The following SCFD2 variants were observed in gnomAD, a reference collection of about 807,000 sequenced individuals.
SCFD2 encodes the protein sec1 family domain-containing protein 2.
In SCFD2, 54 loss-of-function variants were observed where a neutral mutation model predicts 58.9. That is an observed-to-expected ratio of 0.92 (90% confidence interval 0.74 to 1.15). SCFD2 has a LOEUF of 1.15. SCFD2 is among the 50% of genes most tolerant of loss of function. The pLI is 0.00. For synonymous variants in SCFD2, 321 were observed against 335.9 expected (o/e 0.96, Z 0.49); for missense variants, 805 against 836.6 (o/e 0.96, Z 0.47).
chr4:53,098,944 G>T (rs1724746494), intron 5 of SCFD2, among the ~76,000 whole-genome samples: 1 of 151,938 alleles, frequency 6.6e-6, no homozygotes, highest in South Asian at 2.1e-4. Context: ...ATCTAGCTTT[G>T]TATGTACCTA....
intron 3 of SCFD2, among the ~76,000 whole-genome samples, chr4:53,274,965 CT>C (rs1254793067): frequency 6.6e-6 from 1 of 152,202 alleles, no homozygotes; most frequent in Non-Finnish European, 1.5e-5. Context: ...AGTTTATTTG[CT>C]TGTTATAAAC....
chr4:53,010,105 G>A (rs1722062854), intron 5 of SCFD2, among the ~76,000 whole-genome samples: 1 of 152,106 alleles, frequency 6.6e-6, no homozygotes, highest in African/African-American at 2.4e-5. Context: ...CCTCCCACAT[G>A]ATAACTGAGT....
chr4:53,321,454 G>A (rs1457152091), intron 2 of SCFD2, among the ~76,000 whole-genome samples: 3 of 151,926 alleles, frequency 2.0e-5, no homozygotes, highest in Non-Finnish European at 4.4e-5. Flanking sequence ...ATGTGAACGC[G>A]TACCATTATC....
intron 5 of SCFD2, among the ~76,000 whole-genome samples, chr4:53,032,218 C>A (rs928695652): frequency 6.6e-6 from 1 of 152,114 alleles, no homozygotes; most frequent in Non-Finnish European, 1.5e-5. Context: ...GAAATAAAAT[C>A]CTTTACAGAT....
chr4:52,946,469 G>A (rs1720430795), intron 5 of SCFD2, among the ~76,000 whole-genome samples: 1 of 151,914 alleles, frequency 6.6e-6, no homozygotes, highest in Admixed American at 6.6e-5. Context: ...AAAATTTGAT[G>A]AAAATACCTA....
chr4:52,945,969 C>A (rs767097296), intron 5 of SCFD2, among the ~76,000 whole-genome samples: 41 of 152,044 alleles, frequency 2.7e-4, no homozygotes, highest in Admixed American at 1.6e-3. Flanking sequence ...TTTTAAAAAG[C>A]AAATGCTGCA....
intron 2 of SCFD2, among the ~76,000 whole-genome samples, chr4:53,346,163 T>C (rs1734052950): frequency 6.6e-6 from 1 of 152,086 alleles, no homozygotes. Context: ...ATGTATAGTA[T>C]ATAAAAACCA....
chr4:53,148,047 C>T (rs1303522511), intron 4 of SCFD2, among the ~76,000 whole-genome samples: 1 of 152,158 alleles, frequency 6.6e-6, no homozygotes, highest in East Asian at 1.9e-4. Context: ...CCACTAACTC[C>T]TTAGATGACA....
intron 3 of SCFD2, among the ~76,000 whole-genome samples, chr4:53,274,612 T>C (rs886358739): frequency 2.0e-5 from 3 of 152,088 alleles, no homozygotes; most frequent in African/African-American, 7.2e-5. Flanking sequence ...GCTACAATGG[T>C]CACCTACATT....
intron 2 of SCFD2, among the ~76,000 whole-genome samples, chr4:53,315,110 T>G (rs552231787): frequency 6.6e-6 from 1 of 152,106 alleles, no homozygotes; most frequent in Non-Finnish European, 1.5e-5. Context: ...TAGGTGTTTA[T>G]GCAAGCATAA....
rs116125635 is a variant in SCFD2, at chr4:53,186,106, C to A, written c.1312-40524G>T. On this transcript the variant is annotated intron_variant, in intron 4 of 8. Transcript: ENST00000401642. The stretch of plus-strand genomic sequence containing the variant: ...ACTGCATGCCAGGTAGTGTCTCACA[C>A]GCTTCACATGTATGAACTCACTTGA... Among the ~76,000 whole-genome samples, 1,429 of 152,212 alleles carry A rather than the reference C, an allele frequency of 9.4e-3. 11 individuals are homozygous for A. The highest frequency in any genetic ancestry group is 0.048 in the Middle Eastern group (14 of 294).
chr4:53,338,229 C>T (rs1259827928), intron 2 of SCFD2, among the ~76,000 whole-genome samples: 4 of 152,122 alleles, frequency 2.6e-5, no homozygotes, highest in African/African-American at 9.7e-5. Flanking sequence ...GGTAATTTGG[C>T]ATAGCAGCAA....
intron 4 of SCFD2, among the ~76,000 whole-genome samples, chr4:53,220,152 T>C (rs1729005444): frequency 6.6e-6 from 1 of 152,304 alleles, no homozygotes; most frequent in East Asian, 1.9e-4. Context: ...CTTTCTCAAT[T>C]CTTGCTGCTT....
At position 53,364,449 on chromosome 4, in the gene SCFD2, C is replaced by G. The variant is rs571978311; in HGVS notation, c.838+655G>C. ...ACATCAGAAAGTGTCTTTTCTTCAT[C>G]TGCTTTAAGGATTACATTTGTTTCT... On this transcript the variant is annotated intron_variant, in intron 1 of 8. Coordinates refer to ENST00000401642, the MANE Select transcript of SCFD2 (RefSeq NM_152540.4). Among the ~76,000 whole-genome samples, 105 of 152,250 alleles carry G rather than the reference C, an allele frequency of 6.9e-4. No individual in the cohort carries two copies. In the South Asian group the frequency reaches 0.011, roughly 15 times the overall value.
At chr4:52,989,839 A>G (rs1402925326) in intron 5 of SCFD2, among the ~76,000 whole-genome samples, 3 of 151,550 alleles carry the variant, frequency 2.0e-5, no homozygotes, top group African/African-American at 7.3e-5. Context: ...CCCTCCCACC[A>G]TCTCTGCTTA....
chr4:53,003,597 A>AT, intron 5 of SCFD2, among the ~76,000 whole-genome samples: 1 of 152,344 alleles, frequency 6.6e-6, no homozygotes, highest in South Asian at 2.1e-4. Context: ...CTGTCATTAA[A>AT]TGTTAGAGTA....
chr4:52,985,613 T>A (rs1403228388), intron 5 of SCFD2, among the ~76,000 whole-genome samples: 1 of 139,216 alleles, frequency 7.2e-6, no homozygotes, highest in African/African-American at 2.5e-5. Context: ...CCCCCAGACG[T>A]ATCTGAAAAA....
intron 4 of SCFD2, among the ~76,000 whole-genome samples, chr4:53,213,121 T>C (rs540445422): frequency 6.6e-6 from 1 of 152,128 alleles, no homozygotes; most frequent in Non-Finnish European, 1.5e-5. Context: ...GATTAAATTA[T>C]TTAGTAGGTG....
At chr4:52,914,398 G>T (rs1464061564) in intron 6 of SCFD2, among the ~76,000 whole-genome samples, 2 of 152,172 alleles carry the variant, frequency 1.3e-5, no homozygotes, top group South Asian at 2.1e-4. Context: ...CAGGGGACTG[G>T]TGTATTCATC....
Sources: gnomAD v4.1 joint callset for allele counts (sites outside exome capture counted in the v4.1 genomes callset) on GRCh38, gnomAD v4.1.1 for gene constraint, MANE v1.5 for transcripts, NCBI Gene and HGNC (gene_info 2026-07-23, HGNC 2026-07-21) for gene names.